The following NHSL1 variants were observed in gnomAD, a reference collection of about 807,000 sequenced individuals.
The protein encoded by NHSL1 is NHS-like protein 1.
NHSL1 carries 48 observed loss-of-function variants against 95.0 expected under a neutral mutation model. That is an observed-to-expected ratio of 0.51 (90% confidence interval 0.40 to 0.64). NHSL1 has a LOEUF of 0.64. Ranked by LOEUF, NHSL1 falls within the 30% of genes least tolerant of loss-of-function variation. NHSL1 has a pLI of 0.00. For synonymous variants in NHSL1, 783 were observed against 833.9 expected, an observed-to-expected ratio of 0.94 and a Z score of 1.05; for missense variants, 1,971 against 2,077.7, an observed-to-expected ratio of 0.95 and a Z score of 1.00.
intron 5 of NHSL1, among the ~76,000 whole-genome samples, chr6:138,438,432 CAA>C (rs1372733573): frequency 1.3e-5 from 2 of 152,092 alleles, no homozygotes; most frequent in East Asian, 3.9e-4. Flanking sequence ...CACTGGAAAC[CAA>C]AAAATTCGTG....
In NHSL1 at chr6:138,624,559, A is replaced by T. The variant is rs1056975458; in HGVS notation, c.96+67917T>A. ...ATTAGATTACCTAGGGAAATCATGTAATCTCAAGGCAGAACAATGGGTGTC... is the reference window on the plus strand; with the variant it reads ...ATTAGATTACCTAGGGAAATCATGTTATCTCAAGGCAGAACAATGGGTGTC... On this transcript the variant is annotated intron_variant, in intron 1 of 3. Coordinates refer to the NHSL1 transcript ENST00000491526. Among the ~76,000 whole-genome samples, 48 of 152,178 alleles carry T rather than the reference A, an allele frequency of 3.2e-4. 1 individual carries two copies. The highest frequency in any genetic ancestry group is 9.9e-4 in the African/African-American group (41 of 41,430).
intron 1 of NHSL1, among the ~76,000 whole-genome samples, chr6:138,634,380 A>C (rs981607310): frequency 6.6e-6 from 1 of 151,458 alleles, no homozygotes; most frequent in Non-Finnish European, 1.5e-5. Flanking sequence ...TTCCATGCCA[A>C]CAAAAACAAA....
intron 2 of NHSL1, among the ~76,000 whole-genome samples, chr6:138,488,868 C>T (rs1779870398): frequency 6.6e-6 from 1 of 152,154 alleles, no homozygotes; most frequent in African/African-American, 2.4e-5. Flanking sequence ...TGCGTGAGCA[C>T]CAGGAACCCT....
upstream of NHSL1, among the ~76,000 whole-genome samples, chr6:138,577,006 T>C (rs926417539): frequency 6.6e-6 from 1 of 152,204 alleles, no homozygotes; most frequent in African/African-American, 2.4e-5. Flanking sequence ...TCTAGAATCA[T>C]CTCCTTTGGG....
chr6:138,687,730 A>G (rs1236145596), intron 1 of NHSL1, among the ~76,000 whole-genome samples: 1 of 152,180 alleles, frequency 6.6e-6, no homozygotes, highest in Non-Finnish European at 1.5e-5. Context: ...TGTGCTAAGT[A>G]AAAAAAGCCA....
intron 1 of NHSL1, among the ~76,000 whole-genome samples, chr6:138,606,949 TGCCTCA>T (rs1784443173): frequency 6.6e-6 from 1 of 152,018 alleles, no homozygotes; most frequent in Admixed American, 6.6e-5. Flanking sequence ...ATGATCCGCC[TGCCTCA>T]GCCTCCTGAA....
At chr6:138,624,642 C>G (rs1784711900) in intron 1 of NHSL1, among the ~76,000 whole-genome samples, 1 of 152,142 alleles carries the variant, frequency 6.6e-6, no homozygotes, top group Admixed American at 6.5e-5. Flanking sequence ...GAGTGACACT[C>G]AGATCACTGA....
rs754327319 is a variant in NHSL1 at position 138,496,273 on chromosome 6, A to AG, written c.156dup (p.Cys53LeufsTer3). 10 of 1,550,854 alleles carry AG rather than the reference A, an allele frequency of 6.4e-6. No homozygotes were observed. The highest frequency in any genetic ancestry group is 1.2e-5 in the South Asian group (1 of 84,026). ...GCTTGGCGGTGCAGGTCCTCAACAC[A>AG]GGGGGGTCTTGTGGTGGGAAGGAAC... is the stretch of plus-strand genomic sequence containing the variant. On this transcript the variant is annotated frameshift_variant, in exon 2 of 8. Coordinates refer to ENST00000343505, the MANE Select transcript of NHSL1 (RefSeq NM_001144060.2). LOFTEE classifies it high-confidence loss of function.
intron 1 of NHSL1, among the ~76,000 whole-genome samples, chr6:138,597,637 C>T (rs1383276100): frequency 6.6e-6 from 1 of 152,198 alleles, no homozygotes; most frequent in East Asian, 1.9e-4. Flanking sequence ...GTTTGAGTCA[C>T]TAGCTTTTCA....
intron 3 of NHSL1, among the ~76,000 whole-genome samples, chr6:138,462,573 C>T (rs1778069171): frequency 6.7e-6 from 1 of 148,602 alleles, no homozygotes; most frequent in African/African-American, 2.4e-5. Flanking sequence ...CATCCATATC[C>T]AAACCACAGC....
At chr6:138,659,497 G>A (rs908188293) in intron 1 of NHSL1, among the ~76,000 whole-genome samples, 3 of 152,090 alleles carry the variant, frequency 2.0e-5, no homozygotes, top group Admixed American at 2.0e-4. Context: ...CCAAGAAAAC[G>A]GTGGGCACCT....
intron 1 of NHSL1, among the ~76,000 whole-genome samples, chr6:138,513,155 C>A (rs976637218): frequency 3.9e-5 from 6 of 152,170 alleles, no homozygotes; most frequent in African/African-American, 1.2e-4. Flanking sequence ...CATGCAAAAC[C>A]AGCTGTTGTG....
intron 1 of NHSL1, among the ~76,000 whole-genome samples, chr6:138,664,075 C>G (rs1388290645): frequency 6.6e-6 from 1 of 152,156 alleles, no homozygotes; most frequent in South Asian, 2.1e-4. Flanking sequence ...GAAAAACAAA[C>G]AAATGCGGAT....
chr6:138,446,149 T>C (rs989231333), intron 4 of NHSL1, among the ~76,000 whole-genome samples: 38 of 152,002 alleles, frequency 2.5e-4, no homozygotes, highest in African/African-American at 8.9e-4. Flanking sequence ...GCAATTCTCC[T>C]GCCTCAGACT....
At chr6:138,545,918 A>G (rs1782775540), upstream of NHSL1, 1 of 768,336 alleles carries the variant, frequency 1.3e-6, no homozygotes, top group Non-Finnish European at 1.6e-6. Context: ...CCGTTCATAT[A>G]GTCCAGTGCA....
intron 1 of NHSL1, among the ~76,000 whole-genome samples, chr6:138,597,198 A>G (rs1198164174): frequency 6.6e-6 from 1 of 152,130 alleles, no homozygotes; most frequent in Non-Finnish European, 1.5e-5. Flanking sequence ...GCAAACAGCG[A>G]ATAGAATACA....
chr6:138,497,379 C>T (rs1780417384), intron 1 of NHSL1, among the ~76,000 whole-genome samples: 1 of 152,138 alleles, frequency 6.6e-6, no homozygotes, highest in Non-Finnish European at 1.5e-5. Context: ...CAAGTCTAAC[C>T]CCTGTAAAGC....
rs546396501 is a variant in NHSL1 at position 138,683,216 on chromosome 6, A to T, written c.96+9260T>A. Reference sequence around the variant, plus strand: ...CACACACTGCTCTCGGGAGCCACATATACTTTCACATGCCTGTGCAGAACT... The same window carrying T: ...CACACACTGCTCTCGGGAGCCACATTTACTTTCACATGCCTGTGCAGAACT... On this transcript the variant is annotated intron_variant, in intron 1 of 3. Transcript: ENST00000491526. Among the ~76,000 whole-genome samples, 8 of 152,350 alleles carry T rather than the reference A, an allele frequency of 5.3e-5. No individual in the cohort carries two copies. The South Asian group carries it at 1.7e-3, about 32-fold the overall frequency.
At chr6:138,584,773 C>T (rs191235395) in intron 1 of NHSL1, among the ~76,000 whole-genome samples, 2 of 152,246 alleles carry the variant, frequency 1.3e-5, no homozygotes, top group Non-Finnish European at 2.9e-5. Flanking sequence ...AAGTAAACAC[C>T]ACGCCCTTTC....
Sources: gnomAD v4.1 joint callset for allele counts (sites outside exome capture counted in the v4.1 genomes callset) on GRCh38, gnomAD v4.1.1 for gene constraint, MANE v1.5 for transcripts, NCBI Gene and HGNC (gene_info 2026-07-23, HGNC 2026-07-21) for gene names.